Variants in SGCZ observed in about 807,000 individuals in gnomAD.
SGCZ encodes the protein zeta-sarcoglycan.
In SGCZ, 40 loss-of-function variants were observed where a neutral mutation model predicts 41.3. That is an observed-to-expected ratio of 0.97 (90% CI 0.75 to 1.26). The LOEUF is 1.26. Among genes scored for constraint, SGCZ ranks in the 50% most tolerant of loss-of-function variants. The probability of loss-of-function intolerance (pLI) is 0.00; values close to 1 mark genes in which losing one functional copy is unlikely to be tolerated. For synonymous variants in SGCZ, 206 were observed against 137.5 expected, an observed-to-expected ratio of 1.50 and a Z score of -3.49; for missense variants, 552 against 369.8, an observed-to-expected ratio of 1.49 and a Z score of -4.04.
intron 1 of SGCZ, among the ~76,000 whole-genome samples, chr8:15,167,457 G>A (rs1799700633): frequency 6.6e-6 from 1 of 152,156 alleles, no homozygotes; most frequent in Admixed American, 6.5e-5. Flanking sequence ...TAAGAGGAGA[G>A]AATTACCCAA....
At chr8:14,268,170 G>A (rs947623083) in intron 3 of SGCZ, among the ~76,000 whole-genome samples, 9 of 149,374 alleles carry the variant, frequency 6.0e-5, no homozygotes, top group South Asian at 2.1e-4. Context: ...CAGAAACAAC[G>A]GAAGCAAAAT....
intron 3 of SGCZ, among the ~76,000 whole-genome samples, chr8:14,259,219 C>A (rs568298274): frequency 2.6e-5 from 4 of 152,250 alleles, no homozygotes; most frequent in South Asian, 2.1e-4. Context: ...ATTAAAAACA[C>A]ACATGAATAG....
intron 1 of SGCZ, among the ~76,000 whole-genome samples, chr8:14,912,306 T>C (rs1212334718): frequency 6.6e-6 from 1 of 152,006 alleles, no homozygotes; most frequent in Non-Finnish European, 1.5e-5. Flanking sequence ...TAATGCTTAA[T>C]GAGCCCTACC....
chr8:14,735,161 C>A (rs1205593065), intron 1 of SGCZ, among the ~76,000 whole-genome samples: 2 of 152,136 alleles, frequency 1.3e-5, no homozygotes, highest in Non-Finnish European at 2.9e-5. Flanking sequence ...GTGCCTAGCA[C>A]ATTACTTGAC....
At chr8:15,073,495 G>A (rs970015569) in intron 1 of SGCZ, among the ~76,000 whole-genome samples, 2 of 152,114 alleles carry the variant, frequency 1.3e-5, no homozygotes, top group Non-Finnish European at 2.9e-5. Context: ...GCTAGGCTAC[G>A]GTGCCCAGAT....
At chr8:15,100,510 A>C (rs192913825) in intron 1 of SGCZ, among the ~76,000 whole-genome samples, 5 of 152,360 alleles carry the variant, frequency 3.3e-5, no homozygotes. Flanking sequence ...CTCAATATTA[A>C]GAAGTTAGTT....
intron 2 of SGCZ, among the ~76,000 whole-genome samples, chr8:14,538,346 T>G (rs1803358589): frequency 6.6e-6 from 1 of 151,938 alleles, no homozygotes; most frequent in Non-Finnish European, 1.5e-5. Context: ...ACAGGGCTTG[T>G]TTTAAGAAAC....
intron 1 of SGCZ, among the ~76,000 whole-genome samples, chr8:15,220,933 C>T (rs1801577001): frequency 6.6e-6 from 1 of 152,132 alleles, no homozygotes; most frequent in East Asian, 1.9e-4. Flanking sequence ...AAACACCACA[C>T]GTTCTCACTC....
At chr8:15,005,290 C>A (rs1282262405) in intron 1 of SGCZ, among the ~76,000 whole-genome samples, 1 of 150,844 alleles carries the variant, frequency 6.6e-6, no homozygotes, top group Non-Finnish European at 1.5e-5. Flanking sequence ...GTTTCCGGAG[C>A]CCCCTCCCCA....
At chr8:14,308,048 A>G (rs1316139960) in intron 3 of SGCZ, among the ~76,000 whole-genome samples, 1 of 152,128 alleles carries the variant, frequency 6.6e-6, no homozygotes, top group Non-Finnish European at 1.5e-5. Flanking sequence ...TCGGGGGAAC[A>G]ATATCTTAGT....
intron 1 of SGCZ, among the ~76,000 whole-genome samples, chr8:14,844,988 G>T (rs570882926): frequency 6.6e-6 from 1 of 152,164 alleles, no homozygotes; most frequent in South Asian, 2.1e-4. Flanking sequence ...GAGAGTTTAG[G>T]TGGAAAAGGC....
chr8:14,212,265 G>C (rs776904731), intron 4 of SGCZ, among the ~76,000 whole-genome samples: 1 of 152,012 alleles, frequency 6.6e-6, no homozygotes, highest in African/African-American at 2.4e-5. Context: ...AAGTCCAAGA[G>C]AAAAAGGCTA....
intron 2 of SGCZ, among the ~76,000 whole-genome samples, chr8:14,440,428 T>C (rs1800215812): frequency 6.6e-6 from 1 of 152,134 alleles, no homozygotes; most frequent in South Asian, 2.1e-4. Flanking sequence ...GTCACACTTT[T>C]TTCCGCCTGG....
chr8:14,272,783 T>A lies in SGCZ; in HGVS notation c.337-35104A>T, dbSNP rs578166290. Among the ~76,000 whole-genome samples, 16 of 152,324 alleles carry A rather than the reference T, an allele frequency of 1.1e-4. No homozygotes were observed. The South Asian group carries it at 3.3e-3, about 32-fold the overall frequency. The stretch of plus-strand genomic sequence containing the variant: ...TGAACAGCTTGTTATAACCTCAGTT[T>A]TGACTGTGTCAGGTTGAAAAACTAA... On this transcript the variant is annotated intron_variant, in intron 3 of 7. Coordinates refer to ENST00000382080, the MANE Select transcript of SGCZ (RefSeq NM_139167.4).
chr8:14,599,776 T>A (rs1355728723), intron 1 of SGCZ, among the ~76,000 whole-genome samples: 1 of 152,208 alleles, frequency 6.6e-6, no homozygotes, highest in Non-Finnish European at 1.5e-5. Flanking sequence ...CATTTCTGAA[T>A]CATAAGTTGT....
chr8:14,954,442 C>G (rs1800733457), intron 1 of SGCZ, among the ~76,000 whole-genome samples: 1 of 152,026 alleles, frequency 6.6e-6, no homozygotes, highest in Admixed American at 6.6e-5. Context: ...GTTTATTTTC[C>G]TCCACTAAAT....
intron 1 of SGCZ, among the ~76,000 whole-genome samples, chr8:14,796,355 G>A (rs562136380): frequency 6.6e-6 from 1 of 152,054 alleles, no homozygotes; most frequent in East Asian, 1.9e-4. Flanking sequence ...CTGGCCTCAA[G>A]TGATCATTCC....
At chr8:14,800,314 A>G (rs75719561) in intron 1 of SGCZ, among the ~76,000 whole-genome samples, 2,957 of 152,286 alleles carry the variant, frequency 0.019, 80 homozygotes, top group African/African-American at 0.055. Context: ...TTTTTTTAAT[A>G]CTTAACCTGT....
At chr8:14,590,741 T>C (rs1239786350) in intron 1 of SGCZ, among the ~76,000 whole-genome samples, 1 of 148,236 alleles carries the variant, frequency 6.7e-6, no homozygotes, top group Non-Finnish European at 1.5e-5. Flanking sequence ...TATGACATTA[T>C]ACTATATACT....
Sources: gnomAD v4.1 joint callset for allele counts (sites outside exome capture counted in the v4.1 genomes callset) on GRCh38, gnomAD v4.1.1 for gene constraint, MANE v1.5 for transcripts, NCBI Gene and HGNC (gene_info 2026-07-23, HGNC 2026-07-21) for gene names.